Variants in CHN1 observed in about 807,000 individuals in gnomAD.
CHN1 encodes N-chimaerin.
Under a neutral mutation model 59.5 loss-of-function variants are expected in CHN1, and 37 were observed. The observed-to-expected ratio is 0.62, with a 90% confidence interval of 0.48 to 0.82. The LOEUF is 0.82. CHN1 is among the 40% of genes least tolerant of loss of function. The pLI is 0.00. For missense variants in CHN1, 469 were observed against 571.0 expected (o/e 0.82, Z 1.82); for synonymous variants, 206 against 200.4 (o/e 1.03, Z -0.24).
chr2:174,917,187 CT>C (rs1463036017), intron 4 of CHN1, among the ~76,000 whole-genome samples: 4 of 152,182 alleles, frequency 2.6e-5, no homozygotes, highest in African/African-American at 9.7e-5. Flanking sequence ...AATCCCAACA[CT>C]TTGGGAAGCT....
intron 1 of CHN1, among the ~76,000 whole-genome samples, chr2:174,990,691 C>T (rs900566850): frequency 2.6e-5 from 4 of 152,008 alleles, no homozygotes; most frequent in African/African-American, 4.8e-5. Context: ...AAAAATGAAC[C>T]GACACGCCCA....
At chr2:174,909,226 G>C (rs2105364624) in intron 5 of CHN1, among the ~76,000 whole-genome samples, 1 of 152,278 alleles carries the variant, frequency 6.6e-6, no homozygotes, top group African/African-American at 2.4e-5. Flanking sequence ...CCTGTACTTA[G>C]CTATAGTTAA....
intron 8 of CHN1, 145 bp downstream of exon 8, chr2:174,824,289 C>T: frequency 2.1e-6 from 1 of 478,702 alleles, no homozygotes; most frequent in Non-Finnish European, 3.7e-6. Flanking sequence ...TCCAAAGTGG[C>T]TGCCTGAGAA....
At chr2:174,933,727 CT>C (rs1689418759) in intron 3 of CHN1, among the ~76,000 whole-genome samples, 3 of 152,166 alleles carry the variant, frequency 2.0e-5, no homozygotes, top group African/African-American at 7.2e-5. Flanking sequence ...CGAAAATGAT[CT>C]TGCAGAAAGG....
At chr2:174,834,861 A>G (rs1686019957) in intron 7 of CHN1, among the ~76,000 whole-genome samples, 1 of 152,238 alleles carries the variant, frequency 6.6e-6, no homozygotes, top group Non-Finnish European at 1.5e-5. Context: ...CACATTTAAG[A>G]TTCTATAAAA....
chr2:174,867,378 CAAAAA>C (rs371650645), intron 6 of CHN1, among the ~76,000 whole-genome samples: 3 of 117,042 alleles, frequency 2.6e-5, no homozygotes, highest in East Asian at 4.8e-4. Context: ...GACTCTGTCT[CAAAAA>C]AAAAAAAAGA....
chr2:174,909,416 T>C (rs1220797574), intron 5 of CHN1, among the ~76,000 whole-genome samples: 2 of 152,190 alleles, frequency 1.3e-5, no homozygotes, highest in Non-Finnish European at 2.9e-5. Flanking sequence ...AAGCAATCAG[T>C]ACATGCATTT....
chr2:174,840,161 CTTT>C (rs71407154), intron 7 of CHN1, among the ~76,000 whole-genome samples: 234 of 67,392 alleles, frequency 3.5e-3, no homozygotes, highest in African/African-American at 0.013. Flanking sequence ...TAAAACCATT[CTTT>C]TTTTTTTTTT....
intron 6 of CHN1, among the ~76,000 whole-genome samples, chr2:174,868,269 T>C (rs1415707040): frequency 2.0e-5 from 3 of 152,240 alleles, no homozygotes; most frequent in Non-Finnish European, 4.4e-5. Flanking sequence ...CATGATGAGT[T>C]AGTCAGTGCA....
intron 1 of CHN1, among the ~76,000 whole-genome samples, chr2:175,000,663 C>T (rs990651575): frequency 6.6e-6 from 1 of 152,086 alleles, no homozygotes; most frequent in Admixed American, 6.5e-5. Flanking sequence ...AGGCTGGTCT[C>T]GAACTCCTGA....
At chr2:174,992,201 G>A (rs890792629) in intron 1 of CHN1, among the ~76,000 whole-genome samples, 2 of 152,228 alleles carry the variant, frequency 1.3e-5, no homozygotes, top group South Asian at 2.1e-4. Flanking sequence ...CAAAGAAAGA[G>A]AGGATGGAAG....
intron 3 of CHN1, among the ~76,000 whole-genome samples, chr2:174,921,622 A>G (rs1443716726): frequency 3.3e-5 from 5 of 152,082 alleles, no homozygotes; most frequent in Non-Finnish European, 7.4e-5. Context: ...TTTATAAAGG[A>G]AAGAGGTTTA....
At chr2:174,978,305 C>T (rs1691020057) in intron 1 of CHN1, among the ~76,000 whole-genome samples, 1 of 152,070 alleles carries the variant, frequency 6.6e-6, no homozygotes, top group Non-Finnish European at 1.5e-5. Flanking sequence ...AAATCTAGAC[C>T]AGCTGTCTTG....
chr2:174,957,060 C>G (rs1183266496), intron 1 of CHN1, among the ~76,000 whole-genome samples: 2 of 152,110 alleles, frequency 1.3e-5, no homozygotes, highest in Admixed American at 6.5e-5. Flanking sequence ...ACCGTTGATT[C>G]ATTAACACTG....
intron 3 of CHN1, 93 bp downstream of exon 3, chr2:174,944,795 A>T: frequency 1.3e-6 from 1 of 776,824 alleles, no homozygotes; most frequent in Non-Finnish European, 2.1e-6. Flanking sequence ...TTAAGTGGTT[A>T]ATCTCACAAA....
Position 174,924,857 on chromosome 2 carries a change from A to G in CHN1, c.115-6292T>C, listed in dbSNP as rs374369776. The stretch of plus-strand genomic sequence containing the variant: ...TTCTAAGTTTTATAAATTAATAATA[A>G]TAGGAAACTGTTTACAGATTAAAAC... On this transcript the variant is annotated intron_variant, in intron 3 of 12. Transcript: ENST00000409900. Among the ~76,000 whole-genome samples, 98 of 152,320 alleles carry G rather than the reference A, an allele frequency of 6.4e-4. 1 individual carries two copies. The South Asian group carries it at 0.013, about 20-fold the overall frequency.
intron 5 of CHN1, among the ~76,000 whole-genome samples, chr2:174,908,402 T>C (rs1051589249): frequency 3.9e-5 from 6 of 152,196 alleles, no homozygotes; most frequent in Non-Finnish European, 7.3e-5. Context: ...AAATCATAAA[T>C]GTAACCCTAT....
At chr2:174,967,745 A>T (rs1690638905) in intron 1 of CHN1, among the ~76,000 whole-genome samples, 2 of 152,194 alleles carry the variant, frequency 1.3e-5, no homozygotes, top group Non-Finnish European at 2.9e-5. Flanking sequence ...CCTTCAGCAG[A>T]CCCACTATAT....
chr2:174,883,965 CTTTTTTTTTTT>C (rs141023955), intron 5 of CHN1, among the ~76,000 whole-genome samples: 28 of 121,512 alleles, frequency 2.3e-4, no homozygotes, highest in Non-Finnish European at 4.2e-4. Flanking sequence ...AGTCTAACTT[CTTTTTTTTTTT>C]TTTTTTTTTT....
Sources: allele counts gnomAD v4.1 joint callset (sites outside exome capture counted in the v4.1 genomes callset), GRCh38; gene constraint gnomAD v4.1.1; transcripts MANE v1.5; gene names NCBI Gene and HGNC (gene_info 2026-07-23, HGNC 2026-07-21).